The following PARD3 variants were observed in gnomAD, a reference collection of about 807,000 sequenced individuals.
PARD3 encodes par-3 family cell polarity regulator.
A neutral mutation model predicts 155.4 loss-of-function variants in PARD3; 75 were observed. The ratio of observed to expected loss-of-function variants is 0.48; its 90% CI spans 0.40 to 0.58. The LOEUF (loss-of-function observed/expected upper bound fraction) is 0.58, where lower values mean the gene tolerates loss of function less well. Ranked by LOEUF, PARD3 falls within the 20% of genes least tolerant of loss-of-function variation. The pLI is 0.00. For synonymous variants in PARD3, 576 were observed against 610.5 expected (o/e 0.94, Z 0.83); for missense variants, 1,642 against 1,721.7 (o/e 0.95, Z 0.82).
chr10:34,503,634 A>G (rs1445918199), intron 3 of PARD3, among the ~76,000 whole-genome samples: 1 of 152,244 alleles, frequency 6.6e-6, no homozygotes, highest in African/African-American at 2.4e-5. Context: ...TGGTAGAAAC[A>G]CACCGCAGGA....
At chr10:34,414,171 T>C (rs1039672005) in intron 5 of PARD3, among the ~76,000 whole-genome samples, 1 of 151,134 alleles carries the variant, frequency 6.6e-6, no homozygotes, top group Admixed American at 6.6e-5. Flanking sequence ...GCACTCCAGC[T>C]TGGGTGACAG....
chr10:34,307,133 G>A (rs531858813), intron 20 of PARD3, among the ~76,000 whole-genome samples: 3 of 152,100 alleles, frequency 2.0e-5, no homozygotes, highest in East Asian at 1.9e-4. Flanking sequence ...CTCGTGATCC[G>A]CCCACCTCGG....
chr10:34,721,409 T>C (rs1270508865), intron 1 of PARD3, among the ~76,000 whole-genome samples: 1 of 152,082 alleles, frequency 6.6e-6, no homozygotes, highest in East Asian at 1.9e-4. Context: ...GCCACAGGAA[T>C]GCTGAAGCTG....
chr10:34,773,888 G>C (rs1839209606), intron 1 of PARD3, among the ~76,000 whole-genome samples: 1 of 152,132 alleles, frequency 6.6e-6, no homozygotes, highest in African/African-American at 2.4e-5. Context: ...AAGAATAATA[G>C]AGACTTAATT....
intron 3 of PARD3, among the ~76,000 whole-genome samples, chr10:34,515,738 CA>C (rs890347330): frequency 1.3e-4 from 20 of 150,922 alleles, no homozygotes; most frequent in African/African-American, 3.9e-4. Flanking sequence ...GCTATCAATG[CA>C]AAAAAAGGGA....
At position 34,668,893 on chromosome 10, in the gene PARD3, G is replaced by T. The variant is rs541698293; in HGVS notation, c.222+27425C>A. Among the ~76,000 whole-genome samples, 27 of 152,132 alleles carry T rather than the reference G, an allele frequency of 1.8e-4. 1 individual carries two copies. Among genetic ancestry groups the T allele is most frequent in the African/African-American group, 5.8e-4 (24 of 41,482 alleles). On this transcript the variant is annotated intron_variant, in intron 2 of 24. Coordinates refer to ENST00000374788, the MANE Select transcript of PARD3 (RefSeq NM_001184785.2). ...CCTTCTCAAAGCAAAGATAGATTGGGTATTAATTCATTTCCATTCCATTCA... is the reference window on the plus strand; with the variant it reads ...CCTTCTCAAAGCAAAGATAGATTGGTTATTAATTCATTTCCATTCCATTCA...
intron 22 of PARD3, among the ~76,000 whole-genome samples, chr10:34,147,095 TA>T (rs5784396): frequency 0.54 from 80,103 of 148,774 alleles, 22,115 homozygotes; most frequent in Non-Finnish European, 0.61. Context: ...ATATTTAACT[TA>T]AAAAAAAAAA....
rs553082478 is a variant in PARD3, at chr10:34,386,104, A to C, written c.891-1850T>G. Reference sequence around the variant, plus strand: ...TACGATATTAGTAAGGTCAACGATTAATTTCATTCTAACTTTTATTAATAA... The same window carrying C: ...TACGATATTAGTAAGGTCAACGATTCATTTCATTCTAACTTTTATTAATAA... On this transcript the variant is annotated intron_variant, in intron 7 of 24. Coordinates refer to ENST00000374788, the MANE Select transcript of PARD3 (RefSeq NM_001184785.2). Among the ~76,000 whole-genome samples, 7 of 152,310 alleles carry C rather than the reference A, an allele frequency of 4.6e-5. No individual in the cohort carries two copies. In the South Asian group the frequency reaches 1.5e-3, roughly 32 times the overall value.
intron 22 of PARD3, among the ~76,000 whole-genome samples, chr10:34,249,765 C>G (rs1046712667): frequency 6.6e-6 from 1 of 152,132 alleles, no homozygotes; most frequent in South Asian, 2.1e-4. Flanking sequence ...GCACAAGCAT[C>G]CTATTAATCT....
chr10:34,385,225 C>G (rs902649697), intron 7 of PARD3, among the ~76,000 whole-genome samples: 1 of 152,160 alleles, frequency 6.6e-6, no homozygotes, highest in South Asian at 2.1e-4. Context: ...CCTCCACCAC[C>G]TGGGTTCAAG....
intron 5 of PARD3, among the ~76,000 whole-genome samples, chr10:34,421,712 G>T (rs1335275722): frequency 6.6e-6 from 1 of 152,130 alleles, no homozygotes; most frequent in African/African-American, 2.4e-5. Flanking sequence ...CATCCCAGGT[G>T]CTTAAAACAG....
intron 22 of PARD3, among the ~76,000 whole-genome samples, chr10:34,189,315 G>C (rs1446307471): frequency 6.6e-6 from 1 of 152,218 alleles, no homozygotes; most frequent in Non-Finnish European, 1.5e-5. Flanking sequence ...GGGTAACAGA[G>C]CAAGACTCTA....
intron 1 of PARD3, among the ~76,000 whole-genome samples, chr10:34,769,376 C>A (rs1452854718): frequency 1.3e-5 from 2 of 152,214 alleles, no homozygotes; most frequent in African/African-American, 4.8e-5. Flanking sequence ...CCTCTGAAAA[C>A]TGAACACCAA....
chr10:34,457,703 C>T (rs907042355), intron 4 of PARD3, among the ~76,000 whole-genome samples: 4 of 152,028 alleles, frequency 2.6e-5, no homozygotes, highest in South Asian at 2.1e-4. Context: ...CGGGCTCAAG[C>T]GATCCTCCCA....
At chr10:34,381,657 C>G (rs1294366390) in intron 9 of PARD3, among the ~76,000 whole-genome samples, 1 of 151,992 alleles carries the variant, frequency 6.6e-6, no homozygotes, top group Non-Finnish European at 1.5e-5. Flanking sequence ...CAGGCCTGGA[C>G]ATGGTGGCTC....
chr10:34,648,520 T>C (rs1055371538), intron 2 of PARD3, among the ~76,000 whole-genome samples: 1 of 152,064 alleles, frequency 6.6e-6, no homozygotes, highest in African/African-American at 2.4e-5. Context: ...GGGAGGATGG[T>C]TTCAGGATGA....
intron 1 of PARD3, among the ~76,000 whole-genome samples, chr10:34,722,330 T>C (rs964033094): frequency 1.3e-5 from 2 of 152,202 alleles, no homozygotes; most frequent in Admixed American, 6.6e-5. Context: ...CACCACACTG[T>C]CATTCACTCT....
At chr10:34,671,317 G>A (rs2093606796) in intron 2 of PARD3, among the ~76,000 whole-genome samples, 2 of 152,086 alleles carry the variant, frequency 1.3e-5, no homozygotes, top group Admixed American at 6.6e-5. Context: ...ATATTCTAAC[G>A]ATATAAAATG....
intron 2 of PARD3, among the ~76,000 whole-genome samples, chr10:34,534,138 C>T (rs1325074017): frequency 6.6e-6 from 1 of 151,588 alleles, no homozygotes; most frequent in Non-Finnish European, 1.5e-5. Flanking sequence ...TGGTGGCGGG[C>T]GCCTGTAGTC....
Sources: allele counts gnomAD v4.1 joint callset (sites outside exome capture counted in the v4.1 genomes callset), GRCh38; gene constraint gnomAD v4.1.1; transcripts MANE v1.5; gene names NCBI Gene and HGNC (gene_info 2026-07-23, HGNC 2026-07-21).